The following NEBL variants were observed in gnomAD, a reference collection of about 807,000 sequenced individuals.
NEBL encodes the protein nebulette.
NEBL carries 122 observed loss-of-function variants against 140.2 expected under a neutral mutation model. The ratio of observed to expected loss-of-function variants is 0.87; its 90% CI spans 0.75 to 1.01. The LOEUF (loss-of-function observed/expected upper bound fraction) is 1.01, where lower values mean the gene tolerates loss of function less well. NEBL is among the 50% of genes least tolerant of loss of function. The pLI is 0.00. For missense variants in NEBL, 1,365 were observed against 1,231.3 expected (o/e 1.11, Z -1.62); for synonymous variants, 436 against 398.9 (o/e 1.09, Z -1.11).
chr10:20,882,056 T>C (rs1266576731), intron 4 of NEBL, among the ~76,000 whole-genome samples: 1 of 152,144 alleles, frequency 6.6e-6, no homozygotes, highest in Admixed American at 6.5e-5. Flanking sequence ...CACATGGCTG[T>C]TGTCCCAGCT....
chr10:20,935,333 C>T (rs769974709), intron 4 of NEBL, among the ~76,000 whole-genome samples: 7 of 152,298 alleles, frequency 4.6e-5, no homozygotes, highest in South Asian at 2.1e-4. Flanking sequence ...GTGCTTAACA[C>T]GACAACTGGC....
intron 1 of NEBL, among the ~76,000 whole-genome samples, chr10:21,280,864 A>G (rs1038450237): frequency 1.3e-5 from 2 of 151,848 alleles, no homozygotes; most frequent in African/African-American, 2.4e-5. Flanking sequence ...ATCTGCCCAC[A>G]TCGTCTTCCC....
At chr10:21,240,676 G>T (rs187683950) in intron 3 of NEBL, among the ~76,000 whole-genome samples, 12 of 152,056 alleles carry the variant, frequency 7.9e-5, no homozygotes, top group Admixed American at 2.0e-4. Flanking sequence ...ATTTAATATC[G>T]TTACAAGTTA....
At chr10:21,010,743 A>G (rs981767552) in intron 3 of NEBL, among the ~76,000 whole-genome samples, 2 of 152,266 alleles carry the variant, frequency 1.3e-5, no homozygotes, top group African/African-American at 2.4e-5. Context: ...GTCATGTAAC[A>G]TGGCATAAAT....
intron 3 of NEBL, among the ~76,000 whole-genome samples, chr10:21,192,722 G>A (rs1401232920): frequency 6.6e-6 from 1 of 151,244 alleles, no homozygotes. Context: ...GTGCGTGCCT[G>A]TAATCCCAGC....
intron 4 of NEBL, among the ~76,000 whole-genome samples, chr10:20,937,906 T>C (rs866478082): frequency 4.6e-5 from 7 of 152,284 alleles, no homozygotes; most frequent in Admixed American, 1.3e-4. Context: ...GCGCCCGCCA[T>C]TGCCCAGGCT....
Position 20,961,723 on chromosome 10 carries a change from C to T in NEBL, c.306G>A (p.Thr102=), listed in dbSNP as rs780774782. 1.2e-5 allele frequency: 20 copies of T among 1,613,778 alleles called. No individual in the cohort carries two copies. The East Asian group carries it at 2.2e-4, about 18-fold the overall frequency. Residue 102 remains threonine (T), a synonymous_variant, in exon 4 of 7, where the codon ACG becomes ACA. Coordinates refer to the NEBL transcript ENST00000417816. ...TCAGTCTCTGTAGCTCAGGAGTGTC[C>T]GTGACGATGCTGAAGCCCCTCCCTT...
chr10:21,144,297 T>A (rs1839784131), intron 2 of NEBL, among the ~76,000 whole-genome samples: 2 of 152,246 alleles, frequency 1.3e-5, no homozygotes, highest in Admixed American at 1.3e-4. Flanking sequence ...AGAAGAAACC[T>A]GTGCTGGGCA....
intron 3 of NEBL, among the ~76,000 whole-genome samples, chr10:21,015,236 C>CG (rs971742075): frequency 4.0e-5 from 6 of 151,714 alleles, no homozygotes; most frequent in African/African-American, 9.7e-5. Flanking sequence ...TGAGGAGAGT[C>CG]GGGGGGGTTT....
At chr10:20,974,224 C>G (rs1836696517) in intron 3 of NEBL, among the ~76,000 whole-genome samples, 1 of 151,736 alleles carries the variant, frequency 6.6e-6, no homozygotes, top group African/African-American at 2.4e-5. Context: ...ACTTCGTAAA[C>G]TTCAAAGACC....
At chr10:21,285,300 G>A (rs1386942094) in intron 1 of NEBL, among the ~76,000 whole-genome samples, 2 of 152,184 alleles carry the variant, frequency 1.3e-5, no homozygotes, top group African/African-American at 2.4e-5. Context: ...GAGCTGCTTA[G>A]GGCAAACATC....
chr10:21,128,397 T>TCA (rs529934811), intron 2 of NEBL, among the ~76,000 whole-genome samples: 4 of 151,986 alleles, frequency 2.6e-5, no homozygotes, highest in South Asian at 2.1e-4. Flanking sequence ...ACCAAAAATG[T>TCA]CACACACACA....
intron 3 of NEBL, among the ~76,000 whole-genome samples, chr10:21,237,077 G>A (rs765451385): frequency 1.3e-5 from 2 of 152,186 alleles, no homozygotes; most frequent in Admixed American, 6.6e-5. Flanking sequence ...GAACTTTCGT[G>A]TTTTGTAGAT....
upstream of NEBL, among the ~76,000 whole-genome samples, chr10:20,898,976 G>A (rs530096825): frequency 6.6e-6 from 1 of 152,178 alleles, no homozygotes; most frequent in African/African-American, 2.4e-5. Context: ...CACATATCCT[G>A]TTCACCAACA....
chr10:20,928,167 A>G (rs1834004111), intron 4 of NEBL, among the ~76,000 whole-genome samples: 1 of 152,248 alleles, frequency 6.6e-6, no homozygotes, highest in African/African-American at 2.4e-5. Context: ...GCTAAACATC[A>G]TCTGAAATAC....
At chr10:20,889,812 T>C (rs1327573266) in intron 3 of NEBL, 33 bp downstream of exon 3, 2 of 1,300,552 alleles carry the variant, frequency 1.5e-6, no homozygotes, top group Admixed American at 1.7e-5. Context: ...AAAAGATAAA[T>C]GCAAGCCAGT....
rs529379324 is a variant in NEBL at position 21,189,622 on chromosome 10, G to A, written n.349-17145C>T. ...TGGGACTACAGGCGCCCGCCACCGC[G>A]CCCAGCTAATTTTTTTGTATTTTTC... On this transcript the variant is annotated intron_variant and non_coding_transcript_variant, in intron 3 of 8. Coordinates refer to the NEBL transcript ENST00000675702. 7.9e-4 allele frequency among the ~76,000 whole-genome samples: 120 copies of A among 151,266 alleles called. 2 individuals carry two copies. The highest frequency in any genetic ancestry group is 3.8e-3 in the South Asian group (18 of 4,796).
intron 2 of NEBL, among the ~76,000 whole-genome samples, chr10:21,128,862 C>G (rs892283441): frequency 6.6e-6 from 1 of 152,178 alleles, no homozygotes; most frequent in African/African-American, 2.4e-5. Context: ...CTTCAATGAA[C>G]AGCATGAAAG....
At chr10:21,101,894 G>A (rs748993975) in intron 2 of NEBL, among the ~76,000 whole-genome samples, 7 of 152,162 alleles carry the variant, frequency 4.6e-5, no homozygotes, top group Non-Finnish European at 7.3e-5. Flanking sequence ...GAAACATCAC[G>A]CTTTGACTAG....
Sources: allele counts gnomAD v4.1 joint callset (sites outside exome capture counted in the v4.1 genomes callset), GRCh38; gene constraint gnomAD v4.1.1; transcripts MANE v1.5; gene names NCBI Gene and HGNC (gene_info 2026-07-23, HGNC 2026-07-21).